The following RFX3 variants were observed in gnomAD, a reference collection of about 807,000 sequenced individuals.
The protein encoded by RFX3 is transcription factor RFX3.
A neutral mutation model predicts 98.6 loss-of-function variants in RFX3; 14 were observed. The ratio of observed to expected loss-of-function variants is 0.14; its 90% CI spans 0.09 to 0.22. The LOEUF (loss-of-function observed/expected upper bound fraction) is 0.22. Among genes scored for constraint, RFX3 ranks in the 10% least tolerant of loss-of-function variants. The probability of loss-of-function intolerance (pLI) is 1.00; values close to 1 mark genes in which losing one functional copy is unlikely to be tolerated. For synonymous variants in RFX3, 383 were observed against 328.4 expected (o/e 1.17, Z -1.80); for missense variants, 639 against 926.9 (o/e 0.69, Z 4.03).
chr9:3,403,899 GAA>G (rs1391640496), intron 1 of RFX3, among the ~76,000 whole-genome samples: 1 of 152,058 alleles, frequency 6.6e-6, no homozygotes, highest in Non-Finnish European at 1.5e-5. Context: ...CTTCACATCA[GAA>G]AAGACTCCAA....
At chr9:3,524,488 T>C (rs145571540) in intron 1 of RFX3, 46 of 979,702 alleles carry the variant, frequency 4.7e-5, no homozygotes, top group Non-Finnish European at 5.5e-5. Flanking sequence ...ACGTTTCAAG[T>C]TGAGAACCTT....
At chr9:3,348,440 T>G (rs1377102831) in intron 2 of RFX3, among the ~76,000 whole-genome samples, 3 of 151,652 alleles carry the variant, frequency 2.0e-5, no homozygotes, top group African/African-American at 7.3e-5. Context: ...AGGATATTAG[T>G]AGCCATTGAT....
At chr9:3,348,664 C>A (rs72699069) in intron 2 of RFX3, among the ~76,000 whole-genome samples, 1 of 151,682 alleles carries the variant, frequency 6.6e-6, no homozygotes, top group African/African-American at 2.4e-5. Flanking sequence ...ATGACTTTAT[C>A]CCCCAGTACC....
intron 4 of RFX3, among the ~76,000 whole-genome samples, chr9:3,307,483 T>A (rs375915210): frequency 1.3e-5 from 2 of 152,002 alleles, no homozygotes; most frequent in African/African-American, 4.8e-5. Flanking sequence ...AGGATTGAGG[T>A]GAGAAACTGG....
intron 2 of RFX3, among the ~76,000 whole-genome samples, chr9:3,349,920 T>C (rs1834900219): frequency 6.6e-6 from 1 of 152,100 alleles, no homozygotes; most frequent in Non-Finnish European, 1.5e-5. Context: ...ATAAAAATAC[T>C]TTTAAATAAA....
At chr9:3,394,447 C>T (rs1257515003) in intron 2 of RFX3, among the ~76,000 whole-genome samples, 2 of 152,072 alleles carry the variant, frequency 1.3e-5, no homozygotes, top group Non-Finnish European at 2.9e-5. Context: ...TGGGAGACAG[C>T]GAGACTCCCG....
chr9:3,257,144 G>C lies in RFX3; in HGVS notation c.1661C>G (p.Thr554Arg). Residue 554 changes from threonine to arginine, a missense_variant, in exon 14 of 17, where the codon ACA (threonine) becomes AGA (arginine). Transcript: ENST00000617270. ...CTGCTGAAGAGTCATCTTGAAGTCT[G>C]TTTCTAGTCTCTGAACCATGTTGTC... ...CDDNMVQRLE[T>R]DFKMTLQQQS... 1 of 1,613,996 alleles carries C rather than the reference G, an allele frequency of 6.2e-7. No individual in the cohort carries two copies. Among genetic ancestry groups the C allele is most frequent in the Non-Finnish European group, 8.5e-7 (1 of 1,179,984 alleles).
chr9:3,316,212 T>C (rs1830569567), intron 4 of RFX3, among the ~76,000 whole-genome samples: 2 of 152,204 alleles, frequency 1.3e-5, no homozygotes, highest in Admixed American at 1.3e-4. Context: ...GATGCAAGGC[T>C]GGTTCAACAT....
At chr9:3,256,065 C>G (rs1229626061) in intron 14 of RFX3, among the ~76,000 whole-genome samples, 1 of 152,030 alleles carries the variant, frequency 6.6e-6, no homozygotes, top group Non-Finnish European at 1.5e-5. Flanking sequence ...CTTCCGGGTT[C>G]ACGCCATTCT....
At chr9:3,270,977 G>C (rs1253621319) in intron 10 of RFX3, 26 bp downstream of exon 10, 7 of 1,613,406 alleles carry the variant, frequency 4.3e-6, no homozygotes, top group Non-Finnish European at 5.1e-6. Flanking sequence ...CCATGAAAAT[G>C]AATTGGAAAA....
At chr9:3,277,239 C>A (rs1825346983) in intron 8 of RFX3, 101 bp downstream of exon 8, 1 of 1,270,154 alleles carries the variant, frequency 7.9e-7, no homozygotes, top group African/African-American at 1.5e-5. Context: ...CAAAAAAAAT[C>A]TTTCTATGTC....
chr9:3,329,432 AAAAC>A, intron 4 of RFX3, among the ~76,000 whole-genome samples: 1 of 150,570 alleles, frequency 6.6e-6, no homozygotes, highest in African/African-American at 2.4e-5. Context: ...AAAAAAACAA[AAAAC>A]CACCAAACAA....
At chr9:3,296,753 C>T (rs766545632) in intron 5 of RFX3, among the ~76,000 whole-genome samples, 1 of 151,948 alleles carries the variant, frequency 6.6e-6, no homozygotes, top group Non-Finnish European at 1.5e-5. Flanking sequence ...GAGGTAAAAG[C>T]CCTGAAAGGA....
At chr9:3,294,758 G>C (rs1827796851) in intron 5 of RFX3, among the ~76,000 whole-genome samples, 2 of 152,022 alleles carry the variant, frequency 1.3e-5, no homozygotes, top group Non-Finnish European at 2.9e-5. Context: ...AGTTGGCTTT[G>C]AAAACATAGC....
chr9:3,452,104 C>A (rs753066112), intron 1 of RFX3, among the ~76,000 whole-genome samples: 22 of 152,196 alleles, frequency 1.4e-4, no homozygotes, highest in Non-Finnish European at 2.1e-4. Flanking sequence ...AAACCTGCTG[C>A]AAGGGCTTTC....
intron 5 of RFX3, among the ~76,000 whole-genome samples, chr9:3,298,181 A>T (rs147117392): frequency 0.01 from 1,593 of 151,980 alleles, 16 homozygotes; most frequent in African/African-American, 0.021. Flanking sequence ...AGAAAAACAA[A>T]GTCACTCTTG....
chr9:3,259,986 G>A (rs377543458), intron 13 of RFX3, among the ~76,000 whole-genome samples: 36 of 152,124 alleles, frequency 2.4e-4, no homozygotes, highest in African/African-American at 8.4e-4. Context: ...CAAATGAACT[G>A]GAGATGGGGA....
intron 1 of RFX3, among the ~76,000 whole-genome samples, chr9:3,478,720 A>T (rs1045273723): frequency 6.6e-6 from 1 of 152,176 alleles, no homozygotes; most frequent in Non-Finnish European, 1.5e-5. Flanking sequence ...CACATTGTAC[A>T]GCCTTTTAAA....
rs775865856 is a variant in RFX3, at chr9:3,288,178, G to A, written c.804C>T (p.Asp268=). The A allele has an allele frequency of 2.5e-6, 4 of 1,612,708 alleles. No homozygotes were observed. Among genetic ancestry groups the A allele is most frequent in the Non-Finnish European group, 2.5e-6 (3 of 1,178,906 alleles). ...GTTGTCTCATAGCCATATACTGCAT[G>A]TCTTCTTGCAGACGATTAAGAGGGG... ...PDSPLNRLQE[D]MQYMAMRQQP... Residue 268 remains aspartate (D), a synonymous_variant, in exon 7 of 17, where the codon GAC becomes GAT. Coordinates refer to ENST00000617270, the MANE Select transcript of RFX3 (RefSeq NM_001282116.2).
Sources: gnomAD v4.1 joint callset for allele counts (sites outside exome capture counted in the v4.1 genomes callset) on GRCh38, gnomAD v4.1.1 for gene constraint, MANE v1.5 for transcripts, NCBI Gene and HGNC (gene_info 2026-07-23, HGNC 2026-07-21) for gene names.